The following GYPC variants were observed in gnomAD, a reference collection of about 807,000 sequenced individuals.
GYPC encodes the protein glycophorin C (Gerbich blood group).
A neutral mutation model predicts 12.6 loss-of-function variants in GYPC; 14 were observed. That is an observed-to-expected ratio of 1.11 (90% CI 0.74 to 1.74). GYPC has a LOEUF of 1.74. GYPC is among the 40% of genes most tolerant of loss of function. The pLI is 0.00. For synonymous variants in GYPC, 78 were observed against 62.1 expected (o/e 1.26, Z -1.20); for missense variants, 225 against 172.1 (o/e 1.31, Z -1.72).
chr2:126,690,201 C>T lies in GYPC; in HGVS notation c.50-54C>T, dbSNP rs1683415590. ...GGATGCAGCTTGGGCCAAGGTGCTG[C>T]TAGGCATGGAGAGTCTTCCTCTCTG... On this transcript the variant is annotated intron_variant, in intron 1 of 3. Coordinates refer to ENST00000259254, the MANE Select transcript of GYPC (RefSeq NM_002101.5). The T allele has an allele frequency of 1.4e-5, 19 of 1,333,358 alleles. No individual in the cohort carries two copies. In the Middle Eastern group the frequency reaches 9.0e-4, roughly 63 times the overall value. 82.6% of individuals were successfully genotyped at this position (1,333,358 alleles called of 1,614,324 possible). A position where few individuals can be genotyped will look rare whatever the true frequency, so the allele number is the denominator to read the frequency against.
intron 3 of GYPC, among the ~76,000 whole-genome samples, chr2:126,695,129 C>G (rs564122369): frequency 2.2e-4 from 34 of 152,314 alleles, no homozygotes; most frequent in Non-Finnish European, 4.7e-4. Flanking sequence ...AGCCATCAGG[C>G]CATTGAAAAA....
At chr2:126,682,331 A>G (rs1683171228) in intron 1 of GYPC, among the ~76,000 whole-genome samples, 1 of 152,006 alleles carries the variant, frequency 6.6e-6, no homozygotes, top group African/African-American at 2.4e-5. Flanking sequence ...GGCCAAGGAG[A>G]CTGCAGTCTC....
intron 1 of GYPC, among the ~76,000 whole-genome samples, chr2:126,666,017 C>T (rs1158008432): frequency 2.0e-5 from 3 of 152,170 alleles, no homozygotes; most frequent in African/African-American, 7.2e-5. Context: ...GCCCTGAGGT[C>T]GCTCTCCTGG....
chr2:126,671,257 G>A (rs959450444), intron 1 of GYPC, among the ~76,000 whole-genome samples: 1 of 152,172 alleles, frequency 6.6e-6, no homozygotes, highest in Non-Finnish European at 1.5e-5. Context: ...GGAAATACAG[G>A]CACTCGGGGC....
intron 2 of GYPC, among the ~76,000 whole-genome samples, chr2:126,690,778 C>T (rs1683440187): frequency 6.6e-6 from 1 of 152,106 alleles, no homozygotes; most frequent in African/African-American, 2.4e-5. Flanking sequence ...TTGAGCCTGC[C>T]TTTGCCTTGC....
chr2:126,666,853 G>A (rs1364144942), intron 1 of GYPC, among the ~76,000 whole-genome samples: 1 of 152,074 alleles, frequency 6.6e-6, no homozygotes, highest in Non-Finnish European at 1.5e-5. Context: ...CAGACCTGAG[G>A]CAGACACTTG....
rs539021692 is a variant in GYPC at position 126,656,707 on chromosome 2, C to T, written c.49+395C>T. Among the ~76,000 whole-genome samples, 4 of 152,380 alleles carry T rather than the reference C, an allele frequency of 2.6e-5. No individual in the cohort carries two copies. The South Asian group carries it at 6.2e-4, about 24-fold the overall frequency. Reference sequence around the variant, plus strand: ...AAGTTGCTTCTGTGCTGCTCCCCAGCCAGGGTCCGACCGGCCAGGCTCCGG... The same window carrying T: ...AAGTTGCTTCTGTGCTGCTCCCCAGTCAGGGTCCGACCGGCCAGGCTCCGG... On this transcript the variant is annotated intron_variant, in intron 1 of 3. Coordinates refer to ENST00000259254, the MANE Select transcript of GYPC (RefSeq NM_002101.5).
chr2:126,658,642 T>C (rs1682438685), intron 1 of GYPC: 1 of 152,224 alleles, frequency 6.6e-6, no homozygotes, highest in Non-Finnish European at 1.5e-5. Flanking sequence ...GAGTTAAAAA[T>C]AGGAGAAAGA....
intron 1 of GYPC, among the ~76,000 whole-genome samples, chr2:126,671,401 G>A (rs1381502236): frequency 1.3e-5 from 2 of 152,244 alleles, no homozygotes; most frequent in African/African-American, 4.8e-5. Flanking sequence ...CCCAAGTTCA[G>A]AAAACAGTGC....
chr2:126,686,750 C>T, intron 1 of GYPC: 1 of 942,188 alleles, frequency 1.1e-6, no homozygotes, highest in South Asian at 4.9e-5. Context: ...CCTCTCATGT[C>T]TGTCCAATCG....
intron 1 of GYPC, among the ~76,000 whole-genome samples, chr2:126,679,361 A>G (rs1396434170): frequency 6.6e-6 from 1 of 152,226 alleles, no homozygotes; most frequent in Non-Finnish European, 1.5e-5. Flanking sequence ...CATTAATGTC[A>G]TTGGAAGCAT....
At chr2:126,688,344 G>T (rs1427664677) in intron 1 of GYPC, among the ~76,000 whole-genome samples, 8 of 152,178 alleles carry the variant, frequency 5.3e-5, no homozygotes, top group Non-Finnish European at 1.2e-4. Context: ...ACTTTGAGGT[G>T]CATAGTGGTT....
intron 1 of GYPC, among the ~76,000 whole-genome samples, chr2:126,668,709 T>A (rs938227875): frequency 6.6e-6 from 1 of 152,210 alleles, no homozygotes; most frequent in African/African-American, 2.4e-5. Flanking sequence ...CAATTACTAA[T>A]CACTTTAGAC....
chr2:126,663,993 TCTCTCTC>T (rs1682613936), intron 1 of GYPC, among the ~76,000 whole-genome samples: 1 of 132,604 alleles, frequency 7.5e-6, no homozygotes, highest in Non-Finnish European at 1.6e-5. Context: ...TCTCTCTCTC[TCTCTCTC>T]TGGAGAAAGC....
At chr2:126,686,377 C>T (rs1683289577) in intron 1 of GYPC, 3 of 985,644 alleles carry the variant, frequency 3.0e-6, no homozygotes, top group Admixed American at 1.2e-4. Context: ...CCAGGGGTGG[C>T]TGCCTTCTGC....
chr2:126,693,332 T>C (rs1683532309), intron 2 of GYPC, among the ~76,000 whole-genome samples: 1 of 152,180 alleles, frequency 6.6e-6, no homozygotes, highest in South Asian at 2.1e-4. Flanking sequence ...CTTTTTGCCA[T>C]GAGTGGGAGT....
rs4538146 is a variant in GYPC, at chr2:126,695,903, G to A, written c.191-43G>A. The A allele has an allele frequency of 0.23, 357,627 of 1,541,388 alleles. 44,526 individuals are homozygous for A. The highest frequency in any genetic ancestry group is 0.41 in the African/African-American group (30,155 of 73,388). On this transcript the variant is annotated intron_variant, in intron 3 of 3. Coordinates refer to ENST00000259254, the MANE Select transcript of GYPC (RefSeq NM_002101.5). ...CTTGACCACCATCCCAGGCCCCAGA[G>A]CCCCTGCCTCAGACTGACCCTTGCA...
chr2:126,679,289 C>T (rs1306933749), intron 1 of GYPC, among the ~76,000 whole-genome samples: 1 of 151,972 alleles, frequency 6.6e-6, no homozygotes, highest in Non-Finnish European at 1.5e-5. Flanking sequence ...GCCAGCTTCA[C>T]CTCTGTGTCT....
At chr2:126,672,777 T>G (rs1682886441) in intron 1 of GYPC, among the ~76,000 whole-genome samples, 1 of 151,962 alleles carries the variant, frequency 6.6e-6, no homozygotes, top group South Asian at 2.1e-4. Context: ...TGCTTCTAGG[T>G]CCAAGCTGCC....
Sources: gnomAD v4.1 joint callset for allele counts (sites outside exome capture counted in the v4.1 genomes callset) on GRCh38, gnomAD v4.1.1 for gene constraint, MANE v1.5 for transcripts, NCBI Gene and HGNC (gene_info 2026-07-23, HGNC 2026-07-21) for gene names.